The following ZNF430 variants were observed in gnomAD, a reference collection of about 807,000 sequenced individuals.
ZNF430 encodes the protein zinc finger protein 430.
Under a neutral mutation model 56.7 loss-of-function variants are expected in ZNF430, and 35 were observed. The observed-to-expected ratio is 0.62, with a 90% CI of 0.47 to 0.82. The LOEUF (loss-of-function observed/expected upper bound fraction) is 0.82, where lower values mean the gene tolerates loss of function less well. ZNF430 is among the 40% of genes least tolerant of loss of function. ZNF430 has a pLI of 0.00. For synonymous variants in ZNF430, 212 were observed against 224.3 expected (o/e 0.94, Z 0.49); for missense variants, 574 against 661.0 (o/e 0.87, Z 1.44).
At position 21,027,007 on chromosome 19, in the gene ZNF430, T is replaced by G. The variant is rs184786080; in HGVS notation, c.96+4126T>G. Among the ~76,000 whole-genome samples the G allele has an allele frequency of 1.8e-4, 27 of 151,914 alleles. 1 individual carries two copies. The highest frequency in any genetic ancestry group is 1.7e-3 in the Admixed American group (26 of 15,222). On this transcript the variant is annotated intron_variant, in intron 2 of 4. Transcript: ENST00000261560. ...ACCATGCCAAGCTAAGTTTTGTATTTTTAGGAGAGACGGGGTTTCACCATG... is the reference window on the plus strand; with the variant it reads ...ACCATGCCAAGCTAAGTTTTGTATTGTTAGGAGAGACGGGGTTTCACCATG...
At chr19:21,038,961 T>C (rs1968051733) in intron 4 of ZNF430, among the ~76,000 whole-genome samples, 2 of 152,140 alleles carry the variant, frequency 1.3e-5, no homozygotes, top group Admixed American at 6.5e-5. Flanking sequence ...GATTGACTGA[T>C]TGATTCGAGA....
chr19:21,034,402 G>C (rs574652580), intron 4 of ZNF430: 1 of 421,108 alleles, frequency 2.4e-6, no homozygotes, highest in East Asian at 3.7e-5. Flanking sequence ...CTTCAAGTTT[G>C]CTATCAGAAC....
At chr19:21,022,423 C>T (rs1967709114) in intron 1 of ZNF430, among the ~76,000 whole-genome samples, 1 of 152,154 alleles carries the variant, frequency 6.6e-6, no homozygotes, top group African/African-American at 2.4e-5. Flanking sequence ...ACATTTTTTA[C>T]ACCGTATTTT....
At chr19:21,056,558 A>G (rs1968381602) in intron 4 of ZNF430, 73 bp from the exon 5 acceptor site, 3 of 1,119,908 alleles carry the variant, frequency 2.7e-6, no homozygotes, top group Non-Finnish European at 3.7e-6. Context: ...GTATAATTAT[A>G]TGGGTTAGAT....
intron 4 of ZNF430, among the ~76,000 whole-genome samples, chr19:21,039,569 C>CA (rs1438477553): frequency 4.0e-5 from 6 of 151,052 alleles, no homozygotes; most frequent in African/African-American, 1.2e-4. Context: ...CAGGTTCAAG[C>CA]AATACTCCCG....
intron 4 of ZNF430, among the ~76,000 whole-genome samples, chr19:21,048,006 A>G (rs988993053): frequency 2.0e-5 from 3 of 152,022 alleles, no homozygotes; most frequent in African/African-American, 7.2e-5. Context: ...CTTGTAGATA[A>G]GTTTTTTCTC....
intron 4 of ZNF430, among the ~76,000 whole-genome samples, chr19:21,052,267 G>A (rs544131528): frequency 6.6e-6 from 1 of 152,176 alleles, no homozygotes; most frequent in African/African-American, 2.4e-5. Context: ...TGTTGTATGA[G>A]CTACTGAGAA....
intron 2 of ZNF430, among the ~76,000 whole-genome samples, chr19:21,029,889 C>T (rs192008378): frequency 1.0e-3 from 152 of 152,012 alleles, no homozygotes; most frequent in African/African-American, 3.6e-3. Flanking sequence ...CGCTTGAACC[C>T]GGGAGGCGGA....
rs550294647 is a variant in ZNF430 at position 21,057,103 on chromosome 19, A to G, written c.795A>G (p.Gln265=). The change falls in exon 5 of 5, where the codon CAA becomes CAG. Residue 265 remains glutamine (Q), a synonymous_variant. Coordinates refer to ENST00000261560, the MANE Select transcript of ZNF430 (RefSeq NM_025189.4). Reference sequence around the variant, plus strand: ...GAGAGAAACCCTACAAATGTGAACAATGTGGCAAAGCTTTTAAGCAGTCCT... The same window carrying G: ...GAGAGAAACCCTACAAATGTGAACAGTGTGGCAAAGCTTTTAAGCAGTCCT... ...HTGEKPYKCE[Q]CGKAFKQSST... 26 of 1,614,134 alleles carry G rather than the reference A, an allele frequency of 1.6e-5. No homozygotes were observed. The African/African-American group carries it at 2.0e-4, about 12-fold the overall frequency.
chr19:21,033,699 T>C, intron 3 of ZNF430, 117 bp downstream of exon 3: 1 of 1,223,054 alleles, frequency 8.2e-7, no homozygotes, highest in Non-Finnish European at 1.1e-6. Context: ...ATACTTGTTC[T>C]TAAGAAAACC....
In ZNF430 at chr19:21,022,877, A is replaced by G. The variant is rs932584893; in HGVS notation, c.92A>G (p.Glu31Gly). Residue 31 changes from glutamate (E) to glycine (G), a missense_variant, in exon 2 of 5, where the codon GAA becomes GGA. Glu to Gly is a moderately conservative substitution (Grantham distance 98). Transcript: ENST00000261560. The part of the protein sequence containing the change: ...DRNLLVYSFY[E>G]KGPLTFRDVA... ...AATCTTCTGGTGTACTCTTTTTATG[A>G]AAAGGTAACCCCTTGAGATGTTAAA... 2.5e-6 allele frequency: 4 copies of G among 1,610,722 alleles called. No individual in the cohort carries two copies. Among genetic ancestry groups the G allele is most frequent in the African/African-American group, 2.7e-5 (2 of 74,800 alleles).
intron 4 of ZNF430, among the ~76,000 whole-genome samples, chr19:21,049,907 C>T (rs766622915): frequency 1.6e-4 from 24 of 151,684 alleles, no homozygotes; most frequent in South Asian, 4.1e-4. Flanking sequence ...CTCTGTATTA[C>T]TTTTTCCCTA....
intron 2 of ZNF430, among the ~76,000 whole-genome samples, chr19:21,030,299 G>C (rs1437843095): frequency 6.6e-6 from 1 of 152,090 alleles, no homozygotes; most frequent in African/African-American, 2.4e-5. Flanking sequence ...CAAAATCAAT[G>C]ACAGAGAAAC....
chr19:21,053,953 G>T (rs1968327317), intron 4 of ZNF430, among the ~76,000 whole-genome samples: 1 of 151,646 alleles, frequency 6.6e-6, no homozygotes, highest in Non-Finnish European at 1.5e-5. Context: ...CTATCTTGGG[G>T]ATTACATAAA....
chr19:21,022,936 G>A (rs1967724231), intron 2 of ZNF430, 55 bp downstream of exon 2: 2 of 1,267,096 alleles, frequency 1.6e-6, no homozygotes, highest in Non-Finnish European at 2.3e-6. Context: ...TCATTTCTTG[G>A]AGACACATTG....
chr19:21,035,030 T>C (rs953254403), intron 4 of ZNF430: 3 of 152,214 alleles, frequency 2.0e-5, no homozygotes, highest in African/African-American at 7.2e-5. Context: ...TTCCTCACGA[T>C]TGCTTTGGCT....
chr19:21,029,799 T>C (rs1967867934), intron 2 of ZNF430, among the ~76,000 whole-genome samples: 1 of 152,152 alleles, frequency 6.6e-6, no homozygotes, highest in Non-Finnish European at 1.5e-5. Context: ...ACCCCGTCTC[T>C]ACTAAAAATA....
intron 4 of ZNF430, among the ~76,000 whole-genome samples, chr19:21,043,521 G>A (rs1257070164): frequency 1.3e-5 from 2 of 151,994 alleles, no homozygotes; most frequent in African/African-American, 4.8e-5. Flanking sequence ...GGTTACTATA[G>A]CCTTGTGGTG....
At chr19:21,040,226 A>G (rs1439878038) in intron 4 of ZNF430, among the ~76,000 whole-genome samples, 1 of 152,196 alleles carries the variant, frequency 6.6e-6, no homozygotes, top group Non-Finnish European at 1.5e-5. Flanking sequence ...TTTTAACTGG[A>G]AAGTTTTGTA....
Sources: allele counts gnomAD v4.1 joint callset (sites outside exome capture counted in the v4.1 genomes callset), GRCh38; gene constraint gnomAD v4.1.1; transcripts MANE v1.5; gene names NCBI Gene and HGNC (gene_info 2026-07-23, HGNC 2026-07-21).